TRIM33: variants seen among roughly 807,000 people sequenced by gnomAD.
TRIM33 encodes the protein tripartite motif containing 33.
Under a neutral mutation model 125.4 loss-of-function variants are expected in TRIM33, and 20 were observed. The ratio of observed to expected loss-of-function variants is 0.16; its 90% CI spans 0.11 to 0.23. The LOEUF (loss-of-function observed/expected upper bound fraction) is 0.23. Among genes scored for constraint, TRIM33 ranks in the 10% least tolerant of loss-of-function variants. The pLI is 1.00. For synonymous variants in TRIM33, 564 were observed against 513.9 expected, an observed-to-expected ratio of 1.10 and a Z score of -1.32; for missense variants, 920 against 1,411.4, an observed-to-expected ratio of 0.65 and a Z score of 5.58.
chr1:114,483,947 G>A (rs754934503), intron 1 of TRIM33, among the ~76,000 whole-genome samples: 1 of 152,222 alleles, frequency 6.6e-6, no homozygotes, highest in South Asian at 2.1e-4. Context: ...TTAGGAAACC[G>A]GAACAATGAG....
At position 114,406,960 on chromosome 1, in the gene TRIM33, C is replaced by T; in HGVS notation, c.2399G>A (p.Gly800Asp). ...GGVKQEKTED[G>D]RRSACMLSSP... ...GCTTACCATGCAAGCACTCCTCCTG[C>T]CATCCTCTGTTTTTTCTTGTTTTAC... The change falls in exon 14 of 20, where the codon GGC (glycine) becomes GAC (aspartate). Residue 800 changes from glycine to aspartate, a missense_variant. Coordinates refer to ENST00000358465, the MANE Select transcript of TRIM33 (RefSeq NM_015906.4). 6.2e-7 allele frequency: 1 copy of T among 1,613,716 alleles called. No homozygotes were observed. Among genetic ancestry groups the T allele is most frequent in the Non-Finnish European group, 8.5e-7 (1 of 1,179,732 alleles).
At chr1:114,407,885 C>T (rs1241255402) in intron 13 of TRIM33, among the ~76,000 whole-genome samples, 1 of 152,090 alleles carries the variant, frequency 6.6e-6, no homozygotes, top group Non-Finnish European at 1.5e-5. Flanking sequence ...TGACAGAAAG[C>T]TTCTCTTTAC....
At chr1:114,504,648 G>A (rs1010856704) in intron 1 of TRIM33, among the ~76,000 whole-genome samples, 1 of 152,192 alleles carries the variant, frequency 6.6e-6, no homozygotes, top group Non-Finnish European at 1.5e-5. Flanking sequence ...CACACTTTGA[G>A]AATCACTGCT....
intron 1 of TRIM33, among the ~76,000 whole-genome samples, chr1:114,465,914 G>A (rs190701073): frequency 6.6e-6 from 1 of 151,848 alleles, no homozygotes; most frequent in Non-Finnish European, 1.5e-5. Context: ...GTGGTGGCAC[G>A]CGCCTGTATT....
At position 114,406,910 on chromosome 1, in the gene TRIM33, A is replaced by G. The variant is rs771056972; in HGVS notation, c.2418+31T>C. 3 of 1,606,348 alleles carry G rather than the reference A, an allele frequency of 1.9e-6. No individual in the cohort carries two copies. The Admixed American group carries it at 5.0e-5, about 27-fold the overall frequency. ...AAAGAATCAATGAAGTGATGTCCTT[A>G]AGTCCCTGTCAGACTCCAGTGGGAG... On this transcript the variant is annotated intron_variant, in intron 14 of 19. Transcript: ENST00000358465.
At chr1:114,472,872 G>T (rs887776961) in intron 1 of TRIM33, among the ~76,000 whole-genome samples, 1 of 151,264 alleles carries the variant, frequency 6.6e-6, no homozygotes, top group Non-Finnish European at 1.5e-5. Context: ...AAGACTAGGA[G>T]AAAAATAACT....
intron 4 of TRIM33, among the ~76,000 whole-genome samples, chr1:114,452,011 C>CA (rs1649341191): frequency 6.6e-6 from 1 of 152,042 alleles, no homozygotes; most frequent in South Asian, 2.1e-4. Context: ...AAAAAGAATA[C>CA]AGCAAAATCA....
chr1:114,427,129 T>C (rs1361126551), intron 8 of TRIM33, 48 bp downstream of exon 8: 1 of 890,104 alleles, frequency 1.1e-6, no homozygotes. Flanking sequence ...ATTTTCTCCT[T>C]CTAATTCAGT....
chr1:114,427,647 A>G (rs1366224734), intron 7 of TRIM33, 101 bp downstream of exon 7: 1 of 1,281,208 alleles, frequency 7.8e-7, no homozygotes, highest in African/African-American at 1.5e-5. Flanking sequence ...TGGTGGTTAC[A>G]TTTGCCAAAA....
chr1:114,425,413 T>A lies in TRIM33; in HGVS notation c.1695+36A>T, dbSNP rs1280287711. 9.4e-6 allele frequency: 15 copies of A among 1,603,812 alleles called. No individual in the cohort carries two copies. The Middle Eastern group carries it at 6.9e-4, about 74-fold the overall frequency. On this transcript the variant is annotated intron_variant, in intron 9 of 19. Transcript: ENST00000358465. ...AAAAAGTGTAGTGTTGAGGGCTTCA[T>A]AATTTCTATCAATAATGTAGTAACA...
At chr1:114,463,335 T>C (rs1474538022) in intron 3 of TRIM33, 77 bp downstream of exon 3, 1 of 1,554,660 alleles carries the variant, frequency 6.4e-7, no homozygotes. Flanking sequence ...TTATAAAGAA[T>C]AAGTAGAAAA....
chr1:114,496,341 A>G (rs992000901), intron 1 of TRIM33, among the ~76,000 whole-genome samples: 1 of 152,232 alleles, frequency 6.6e-6, no homozygotes, highest in African/African-American at 2.4e-5. Context: ...TCCAAAATTC[A>G]TTTGTGGAAT....
chr1:114,407,734 A>G (rs1370853606), intron 13 of TRIM33, among the ~76,000 whole-genome samples: 3 of 152,200 alleles, frequency 2.0e-5, no homozygotes, highest in Admixed American at 2.0e-4. Context: ...TATATAAAGT[A>G]TGTTTAAATA....
At chr1:114,417,961 T>C (rs1653040169) in intron 11 of TRIM33, among the ~76,000 whole-genome samples, 1 of 152,166 alleles carries the variant, frequency 6.6e-6, no homozygotes, top group East Asian at 1.9e-4. Flanking sequence ...CAGCCTAAAA[T>C]TCCAACTTTT....
At chr1:114,494,400 G>A (rs980933427) in intron 1 of TRIM33, among the ~76,000 whole-genome samples, 3 of 152,156 alleles carry the variant, frequency 2.0e-5, no homozygotes, top group African/African-American at 7.2e-5. Flanking sequence ...AACTGGATGA[G>A]GATAAGGAGT....
chr1:114,451,326 T>C (rs541208274), intron 4 of TRIM33, among the ~76,000 whole-genome samples: 2 of 150,234 alleles, frequency 1.3e-5, no homozygotes, highest in Non-Finnish European at 2.9e-5. Context: ...TTCAATCCCA[T>C]TAGGTCAAAT....
chr1:114,407,887 T>C (rs2101102520), intron 13 of TRIM33, among the ~76,000 whole-genome samples: 1 of 152,258 alleles, frequency 6.6e-6, no homozygotes, highest in African/African-American at 2.4e-5. Context: ...ACAGAAAGCT[T>C]CTCTTTACAG....
intron 12 of TRIM33, among the ~76,000 whole-genome samples, chr1:114,409,639 T>C (rs1652457117): frequency 6.6e-6 from 1 of 152,168 alleles, no homozygotes; most frequent in East Asian, 1.9e-4. Context: ...ATGGCTTCAG[T>C]TACTGAAAGA....
In TRIM33 at chr1:114,395,826, A is replaced by C. The variant is rs1557836635; in HGVS notation, c.*1822T>G. ...AATCAATAGTAATAATAAAATCAAT[A>C]CTCTTTAAATACACAACCAGAAAGC... On this transcript the variant is annotated 3_prime_UTR_variant, in exon 20 of 20. Transcript: ENST00000358465. 5.2e-6 allele frequency: 1 copy of C among 191,570 alleles called. No individual in the cohort carries two copies. The highest frequency in any genetic ancestry group is 1.1e-5 in the Non-Finnish European group (1 of 91,624). 11.9% of individuals were successfully genotyped at this position (191,570 alleles called of 1,614,324 possible).
Sources: gnomAD v4.1 joint callset for allele counts (sites outside exome capture counted in the v4.1 genomes callset) on GRCh38, gnomAD v4.1.1 for gene constraint, MANE v1.5 for transcripts, NCBI Gene and HGNC (gene_info 2026-07-23, HGNC 2026-07-21) for gene names.